Variants in BTD observed in about 807,000 individuals in gnomAD.
The protein encoded by BTD is biotinidase, also known as biocytinase.
In BTD, 13 loss-of-function variants were observed where a neutral mutation model predicts 17.7. That is an observed-to-expected ratio of 0.74 (90% CI 0.48 to 1.17). The LOEUF (loss-of-function observed/expected upper bound fraction) is 1.17. Among genes scored for constraint, BTD ranks in the 50% most tolerant of loss-of-function variants. The pLI is 0.00. For synonymous variants in BTD, 240 were observed against 245.2 expected, an observed-to-expected ratio of 0.98 and a Z score of 0.20; for missense variants, 674 against 650.4, an observed-to-expected ratio of 1.04 and a Z score of -0.39.
intron 3 of BTD, among the ~76,000 whole-genome samples, chr3:15,699,692 C>T (rs912169687): frequency 6.6e-6 from 1 of 152,336 alleles, no homozygotes; most frequent in Admixed American, 6.5e-5. Flanking sequence ...GAGACACTAT[C>T]TCACGCCAGT....
At chr3:15,693,377 A>G (rs1408344891) in intron 3 of BTD, among the ~76,000 whole-genome samples, 1 of 151,608 alleles carries the variant, frequency 6.6e-6, no homozygotes, top group Non-Finnish European at 1.5e-5. Flanking sequence ...TGTATAGCAC[A>G]CTGTTAACTT....
At chr3:15,718,789 A>G (rs74989747) in intron 4 of BTD, among the ~76,000 whole-genome samples, 1,918 of 152,336 alleles carry the variant, frequency 0.013, 45 homozygotes, top group African/African-American at 0.043. Context: ...CAGGTCTCAC[A>G]GAGACTGAGA....
At chr3:15,663,494 C>A (rs1354805571) in intron 3 of BTD, among the ~76,000 whole-genome samples, 1 of 152,134 alleles carries the variant, frequency 6.6e-6, no homozygotes, top group Non-Finnish European at 1.5e-5. Flanking sequence ...TTATTGATTC[C>A]ATTTCTCTAA....
intron 3 of BTD, among the ~76,000 whole-genome samples, chr3:15,706,595 GT>G (rs2071463309): frequency 6.6e-6 from 1 of 152,054 alleles, no homozygotes; most frequent in South Asian, 2.1e-4. Context: ...AATCCTTTGG[GT>G]ATATACCCAG....
In BTD at chr3:15,673,605, T is replaced by A. The variant is rs544635259; in HGVS notation, c.399+31548T>A. On this transcript the variant is annotated intron_variant, in intron 3 of 3. Coordinates refer to the BTD transcript ENST00000672141. ...GGAGCAGGTTAACAAGGACTGAGAA[T>A]GCTATGGTAGGGGTATCTAGCAAGT... is the stretch of plus-strand genomic sequence containing the variant. Among the ~76,000 whole-genome samples, 5 of 152,250 alleles carry A rather than the reference T, an allele frequency of 3.3e-5. No individual in the cohort carries two copies. The East Asian group carries it at 7.7e-4, about 24-fold the overall frequency.
chr3:15,657,042 C>T (rs944050466), downstream of BTD, among the ~76,000 whole-genome samples: 20 of 152,190 alleles, frequency 1.3e-4, no homozygotes, highest in African/African-American at 4.8e-4. Flanking sequence ...AGCTGGAAGG[C>T]TCCTCTGGGC....
chr3:15,689,213 A>G (rs1214932948), intron 3 of BTD, among the ~76,000 whole-genome samples: 1 of 152,210 alleles, frequency 6.6e-6, no homozygotes, highest in Non-Finnish European at 1.5e-5. Flanking sequence ...TCTTTGGGCC[A>G]CTGGGTTTTA....
downstream of BTD, among the ~76,000 whole-genome samples, chr3:15,656,205 C>T (rs1378462446): frequency 6.6e-6 from 1 of 152,182 alleles, no homozygotes; most frequent in Non-Finnish European, 1.5e-5. Flanking sequence ...CAAACCTCAA[C>T]TTTTCTGTTC....
chr3:15,609,349 T>C (rs1262070755), intron 1 of BTD, among the ~76,000 whole-genome samples: 3 of 152,200 alleles, frequency 2.0e-5, no homozygotes, highest in Admixed American at 2.0e-4. Flanking sequence ...CTATCTTGAA[T>C]TTGGTGTTTG....
chr3:15,638,567 T>C (rs2065420605), intron 2 of BTD, among the ~76,000 whole-genome samples: 1 of 152,240 alleles, frequency 6.6e-6, no homozygotes, highest in Non-Finnish European at 1.5e-5. Context: ...AAACAACTTC[T>C]AAGACAAATT....
At chr3:15,710,007 G>A (rs991645957) in intron 3 of BTD, among the ~76,000 whole-genome samples, 2 of 150,178 alleles carry the variant, frequency 1.3e-5, no homozygotes, top group African/African-American at 4.9e-5. Flanking sequence ...GAGATTCTGA[G>A]GAGGCTTTAG....
rs78271965 is a variant in BTD at position 15,662,878 on chromosome 3, T to C, written c.399+20821T>C. Reference sequence around the variant, plus strand: ...GTTTTTTTTTTTTTTTTTTAATAGATGTTCTTTATCTAGTTGAGGAAGTTC... The same window carrying C: ...GTTTTTTTTTTTTTTTTTTAATAGACGTTCTTTATCTAGTTGAGGAAGTTC... On this transcript the variant is annotated intron_variant, in intron 3 of 3. Coordinates refer to the BTD transcript ENST00000672141. Among the ~76,000 whole-genome samples the C allele has an allele frequency of 2.8e-3, 410 of 147,278 alleles. 13 individuals are homozygous for C. The East Asian group carries it at 0.059, about 21-fold the overall frequency.
At chr3:15,708,480 A>T (rs942825799) in intron 3 of BTD, among the ~76,000 whole-genome samples, 2 of 152,144 alleles carry the variant, frequency 1.3e-5, no homozygotes, top group African/African-American at 4.8e-5. Context: ...AAGGTAAGAG[A>T]AAAAAATAGA....
At chr3:15,679,610 G>C (rs2067308892) in intron 3 of BTD, 5 of 1,457,344 alleles carry the variant, frequency 3.4e-6, no homozygotes, top group Non-Finnish European at 3.8e-6. Flanking sequence ...AGGAGATACT[G>C]GCAAAAATCA....
intron 3 of BTD, among the ~76,000 whole-genome samples, chr3:15,693,372 A>C (rs1355577558): frequency 6.6e-6 from 1 of 152,050 alleles, no homozygotes; most frequent in Non-Finnish European, 1.5e-5. Flanking sequence ...ATCAATGTAT[A>C]GCACACTGTT....
At chr3:15,675,829 T>C in intron 3 of BTD, 3 of 1,291,976 alleles carry the variant, frequency 2.3e-6, no homozygotes, top group Non-Finnish European at 3.1e-6. Flanking sequence ...TCCAAGTTTA[T>C]TTCTCTTCAA....
Position 15,647,313 on chromosome 3 carries a change from A to G in BTD, c.*1825A>G, listed in dbSNP as rs1311313706. 6.6e-5 allele frequency: 10 copies of G among 152,416 alleles called. No individual in the cohort carries two copies. Among genetic ancestry groups the G allele is most frequent in the African/African-American group, 9.6e-5 (4 of 41,594 alleles). 9.4% of individuals were successfully genotyped at this position (152,416 alleles called of 1,614,324 possible). A position where few individuals can be genotyped will look rare whatever the true frequency, so the allele number is the denominator to read the frequency against. ...GGAGACAGAAATTACCTAAAAATGC[A>G]TATCATTGCCTTATGCCAAGATGAT... is the stretch of plus-strand genomic sequence containing the variant. On this transcript the variant is annotated 3_prime_UTR_variant, in exon 4 of 4. Coordinates refer to ENST00000643237, the MANE Select transcript of BTD (RefSeq NM_001370658.1).
intron 3 of BTD, among the ~76,000 whole-genome samples, chr3:15,691,341 T>C (rs1484679502): frequency 6.6e-6 from 1 of 152,084 alleles, no homozygotes; most frequent in Non-Finnish European, 1.5e-5. Context: ...GCCAGGATGG[T>C]CTCGATCTCT....
chr3:15,622,146 C>T (rs2064966654), intron 1 of BTD, among the ~76,000 whole-genome samples: 3 of 152,008 alleles, frequency 2.0e-5, no homozygotes, highest in Admixed American at 2.0e-4. Flanking sequence ...TCCTGCTTTA[C>T]ATTTCATTGA....
Sources: gnomAD v4.1 joint callset for allele counts (sites outside exome capture counted in the v4.1 genomes callset) on GRCh38, gnomAD v4.1.1 for gene constraint, MANE v1.5 for transcripts, NCBI Gene and HGNC (gene_info 2026-07-23, HGNC 2026-07-21) for gene names.